The following PLPPR1 variants were observed in gnomAD, a reference collection of about 807,000 sequenced individuals.
PLPPR1 encodes phospholipid phosphatase related 1, also known as phospholipid phosphatase-related protein type 1.
Under a neutral mutation model 33.1 loss-of-function variants are expected in PLPPR1, and 10 were observed. The observed-to-expected ratio is 0.30, with a 90% confidence interval of 0.19 to 0.51. The LOEUF (loss-of-function observed/expected upper bound fraction) is 0.51. PLPPR1 is among the 20% of genes least tolerant of loss of function. The pLI, the probability that PLPPR1 is intolerant of heterozygous loss-of-function variation, is 0.97. For missense variants in PLPPR1, 304 were observed against 408.1 expected (o/e 0.74, Z 2.20); for synonymous variants, 151 against 151.0 (o/e 1.00, Z 0.00).
chr9:101,228,082 T>A (rs1827107977), intron 2 of PLPPR1, among the ~76,000 whole-genome samples: 1 of 152,160 alleles, frequency 6.6e-6, no homozygotes, highest in Non-Finnish European at 1.5e-5. Flanking sequence ...TTCAGCCGGC[T>A]TTCCTTTTAA....
At chr9:101,129,811 A>G (rs1352928692) in intron 1 of PLPPR1, among the ~76,000 whole-genome samples, 3 of 152,236 alleles carry the variant, frequency 2.0e-5, no homozygotes, top group Admixed American at 6.5e-5. Flanking sequence ...AGCCTAGGCG[A>G]CAGAGCAAGA....
intron 1 of PLPPR1, among the ~76,000 whole-genome samples, chr9:101,101,155 T>G (rs1037285840): frequency 3.9e-5 from 6 of 152,148 alleles, no homozygotes; most frequent in Non-Finnish European, 8.8e-5. Context: ...GGTTCTTGAC[T>G]TTTTTGTGTG....
In PLPPR1 at chr9:101,078,118, A is replaced by G. The variant is rs1376865209; in HGVS notation, c.-46+49016A>G. On this transcript the variant is annotated intron_variant, in intron 1 of 7. Coordinates refer to ENST00000374874, the MANE Select transcript of PLPPR1 (RefSeq NM_207299.2). ...AAGGAGAAGGAGAAGAAGAAGAAGAAGAAGAAGAAGAAGAAGAAGAAGAAG... is the reference window on the plus strand; with the variant it reads ...AAGGAGAAGGAGAAGAAGAAGAAGAGGAAGAAGAAGAAGAAGAAGAAGAAG... Among the ~76,000 whole-genome samples the G allele has an allele frequency of 1.2e-3, 7 of 5,658 alleles. 1 individual carries two copies. The highest frequency in any genetic ancestry group is 5.1e-3 in the African/African-American group (7 of 1,382). 3.7% of individuals were successfully genotyped at this position (5,658 alleles called of 152,430 possible).
chr9:101,288,089 G>A (rs1224922133), intron 4 of PLPPR1, among the ~76,000 whole-genome samples: 1 of 152,160 alleles, frequency 6.6e-6, no homozygotes. Context: ...CAGGGTCCAA[G>A]GAATAAAAAT....
chr9:101,240,615 C>T (rs573216934), intron 2 of PLPPR1, among the ~76,000 whole-genome samples: 14 of 152,094 alleles, frequency 9.2e-5, no homozygotes, highest in South Asian at 4.2e-4. Flanking sequence ...GAATGTTCTT[C>T]GAAAGATTCA....
intron 1 of PLPPR1, among the ~76,000 whole-genome samples, chr9:101,079,190 T>G (rs1456434116): frequency 1.3e-5 from 2 of 152,210 alleles, no homozygotes; most frequent in African/African-American, 4.8e-5. Context: ...CATGGACTTC[T>G]GACCTGGCCC....
chr9:101,206,940 C>A (rs1245707458), intron 2 of PLPPR1, among the ~76,000 whole-genome samples: 3 of 151,970 alleles, frequency 2.0e-5, no homozygotes, highest in Non-Finnish European at 4.4e-5. Context: ...GGGAATATAA[C>A]CCCTGGCACT....
chr9:101,321,778 C>T (rs1829154773), intron 7 of PLPPR1, among the ~76,000 whole-genome samples: 2 of 147,904 alleles, frequency 1.4e-5, no homozygotes, highest in African/African-American at 2.5e-5. Flanking sequence ...TACATATATA[C>T]ACTAATATAT....
chr9:101,181,494 C>T (rs1237384076), intron 1 of PLPPR1, among the ~76,000 whole-genome samples: 1 of 150,756 alleles, frequency 6.6e-6, no homozygotes, highest in Admixed American at 6.6e-5. Flanking sequence ...AATCAGTATG[C>T]CAAAAATATT....
intron 4 of PLPPR1, among the ~76,000 whole-genome samples, chr9:101,296,500 G>T (rs1828642475): frequency 6.6e-6 from 1 of 151,940 alleles, no homozygotes; most frequent in Non-Finnish European, 1.5e-5. Flanking sequence ...ACATGCACAT[G>T]TATGTTTATT....
At chr9:101,192,858 A>G (rs553971962) in intron 2 of PLPPR1, among the ~76,000 whole-genome samples, 1 of 152,352 alleles carries the variant, frequency 6.6e-6, no homozygotes, top group Non-Finnish European at 1.5e-5. Flanking sequence ...AATGACAAAT[A>G]TAAAGTACTT....
intron 1 of PLPPR1, among the ~76,000 whole-genome samples, chr9:101,058,396 C>T (rs183239709): frequency 8.5e-5 from 13 of 152,152 alleles, no homozygotes; most frequent in Non-Finnish European, 1.6e-4. Flanking sequence ...GCAGGTCCTG[C>T]CTGAACAGAT....
intron 7 of PLPPR1, among the ~76,000 whole-genome samples, chr9:101,318,121 A>G (rs1829088509): frequency 1.3e-5 from 2 of 152,300 alleles, no homozygotes; most frequent in East Asian, 1.9e-4. Context: ...GCTTGAAGCC[A>G]AGAGTTGAAG....
chr9:101,158,017 A>G lies in PLPPR1; in HGVS notation c.-45-27433A>G, dbSNP rs187698137. The stretch of plus-strand genomic sequence containing the variant: ...AAACTCTGTCTCAAAAGATAAAATA[A>G]GTGAATAAAAAATAAAATAAATAAA... On this transcript the variant is annotated intron_variant, in intron 1 of 7. Coordinates refer to ENST00000374874, the MANE Select transcript of PLPPR1 (RefSeq NM_207299.2). Among the ~76,000 whole-genome samples, 1,293 of 152,214 alleles carry G rather than the reference A, an allele frequency of 8.5e-3. 9 individuals carry two copies. The highest frequency in any genetic ancestry group is 0.031 in the South Asian group (148 of 4,822).
rs190419597 is a variant in PLPPR1 at position 101,280,484 on chromosome 9, A to T, written c.253-5620A>T. Among the ~76,000 whole-genome samples the T allele has an allele frequency of 2.6e-5, 4 of 152,274 alleles. No homozygotes were observed. In the East Asian group the frequency reaches 5.8e-4, roughly 22 times the overall value. ...ATCAAAACCAGACAAAGACACATCA[A>T]AAAAAGGAAAAGTACAGGCCAATAT... On this transcript the variant is annotated intron_variant, in intron 3 of 7. Coordinates refer to ENST00000374874, the MANE Select transcript of PLPPR1 (RefSeq NM_207299.2).
chr9:101,227,853 T>G (rs1326176307), intron 2 of PLPPR1, among the ~76,000 whole-genome samples: 1 of 152,178 alleles, frequency 6.6e-6, no homozygotes, highest in African/African-American at 2.4e-5. Flanking sequence ...CTCAGCTCAC[T>G]GCAACCTCCA....
intron 2 of PLPPR1, among the ~76,000 whole-genome samples, chr9:101,248,054 A>G (rs1827646653): frequency 6.6e-6 from 1 of 152,052 alleles, no homozygotes. Context: ...CTACTTCTGG[A>G]GACAGTAGAG....
At chr9:101,156,386 C>T (rs1831685801) in intron 1 of PLPPR1, among the ~76,000 whole-genome samples, 1 of 151,638 alleles carries the variant, frequency 6.6e-6, no homozygotes, top group Non-Finnish European at 1.5e-5. Flanking sequence ...CCCATCTCTA[C>T]AGAAAATACA....
chr9:101,087,168 TGAG>T lies in PLPPR1; in HGVS notation c.-46+58067_-46+58069del, dbSNP rs1830688100. Among the ~76,000 whole-genome samples, 4 of 62,230 alleles carry T rather than the reference TGAG, an allele frequency of 6.4e-5. No individual in the cohort carries two copies. The Admixed American group carries it at 7.5e-4, about 12-fold the overall frequency. 40.8% of individuals were successfully genotyped at this position (62,230 alleles called of 152,430 possible). On this transcript the variant is annotated intron_variant, in intron 1 of 7. Transcript: ENST00000374874. Reference sequence around the variant, plus strand: ...ACTCCAGCCTGGGTGACAGACTGAGTGAGACTCTGTCTCAAAAAAAAAAAAATA... The same window carrying T: ...ACTCCAGCCTGGGTGACAGACTGAGTACTCTGTCTCAAAAAAAAAAAAATA...
Sources: allele counts gnomAD v4.1 joint callset (sites outside exome capture counted in the v4.1 genomes callset), GRCh38; gene constraint gnomAD v4.1.1; transcripts MANE v1.5; gene names NCBI Gene and HGNC (gene_info 2026-07-23, HGNC 2026-07-21).